PHACTR1: variants seen among roughly 807,000 people sequenced by gnomAD.
The protein encoded by PHACTR1 is RPEL repeat containing 1.
A neutral mutation model predicts 69.2 loss-of-function variants in PHACTR1; 16 were observed. The observed-to-expected ratio is 0.23, with a 90% CI of 0.16 to 0.35. The LOEUF (loss-of-function observed/expected upper bound fraction) is 0.35, where lower values mean the gene tolerates loss of function less well. Among genes scored for constraint, PHACTR1 ranks in the 10% least tolerant of loss-of-function variants. PHACTR1 has a pLI of 1.00. For missense variants in PHACTR1, 510 were observed against 734.7 expected, an observed-to-expected ratio of 0.69 and a Z score of 3.54; for synonymous variants, 312 against 284.5, an observed-to-expected ratio of 1.10 and a Z score of -0.97.
At chr6:13,106,175 T>G (rs184615187) in intron 5 of PHACTR1, among the ~76,000 whole-genome samples, 38 of 152,360 alleles carry the variant, frequency 2.5e-4, no homozygotes, top group Non-Finnish European at 4.6e-4. Flanking sequence ...AAAGTTCTTT[T>G]CTTTTCTCAT....
chr6:13,024,600 G>A (rs749697936), intron 4 of PHACTR1, among the ~76,000 whole-genome samples: 8 of 152,164 alleles, frequency 5.3e-5, no homozygotes, highest in Non-Finnish European at 1.2e-4. Context: ...AAATGATACA[G>A]TGAACCTTTT....
At chr6:13,126,954 G>A (rs1819630563) in intron 5 of PHACTR1, among the ~76,000 whole-genome samples, 1 of 152,136 alleles carries the variant, frequency 6.6e-6, no homozygotes, top group Non-Finnish European at 1.5e-5. Context: ...ATCAACAGGA[G>A]AAAAGTATAC....
chr6:13,148,871 G>A (rs922860158), intron 5 of PHACTR1, among the ~76,000 whole-genome samples: 4 of 152,186 alleles, frequency 2.6e-5, no homozygotes, highest in African/African-American at 9.7e-5. Flanking sequence ...TGCACATGAG[G>A]GCTGGCCCAG....
intron 4 of PHACTR1, among the ~76,000 whole-genome samples, chr6:12,922,753 T>C (rs772634628): frequency 6.6e-6 from 1 of 152,198 alleles, no homozygotes; most frequent in Non-Finnish European, 1.5e-5. Flanking sequence ...AAGGACTTAC[T>C]AGTTGCTTAC....
At chr6:12,901,302 T>C (rs534456867) in intron 4 of PHACTR1, among the ~76,000 whole-genome samples, 22 of 152,214 alleles carry the variant, frequency 1.4e-4, no homozygotes, top group African/African-American at 5.1e-4. Context: ...TTGGCCTTCA[T>C]TGTAAGTGAA....
At chr6:13,059,220 G>A (rs1216602294) in intron 5 of PHACTR1, among the ~76,000 whole-genome samples, 2 of 152,020 alleles carry the variant, frequency 1.3e-5, no homozygotes, top group African/African-American at 2.4e-5. Flanking sequence ...AACATACCGG[G>A]TACAGATGGA....
intron 4 of PHACTR1, among the ~76,000 whole-genome samples, chr6:13,028,234 G>A (rs936321552): frequency 6.6e-6 from 1 of 152,156 alleles, no homozygotes; most frequent in African/African-American, 2.4e-5. Flanking sequence ...AGAAAGTACT[G>A]TATTGACTGA....
intron 4 of PHACTR1, among the ~76,000 whole-genome samples, chr6:13,043,502 CA>C (rs1199757465): frequency 6.6e-6 from 1 of 152,106 alleles, no homozygotes; most frequent in African/African-American, 2.4e-5. Flanking sequence ...CAAGGGTTAA[CA>C]AGCTATGGCC....
At chr6:13,227,149 G>T (rs1385586107) in intron 8 of PHACTR1, among the ~76,000 whole-genome samples, 1 of 152,164 alleles carries the variant, frequency 6.6e-6, no homozygotes, top group African/African-American at 2.4e-5. Context: ...AAAATATCCA[G>T]ACTGGCATTA....
chr6:13,198,787 A>C (rs2113831641), intron 7 of PHACTR1, among the ~76,000 whole-genome samples: 1 of 152,344 alleles, frequency 6.6e-6, no homozygotes, highest in Non-Finnish European at 1.5e-5. Flanking sequence ...AGATTGGAAA[A>C]CTGAACATCA....
At chr6:13,010,275 G>A (rs965196384) in intron 4 of PHACTR1, among the ~76,000 whole-genome samples, 1 of 151,948 alleles carries the variant, frequency 6.6e-6, no homozygotes, top group African/African-American at 2.4e-5. Flanking sequence ...TTACAGGTTC[G>A]CGCCACCACA....
rs1434222619 is a variant in PHACTR1, at chr6:13,190,139, T to A, written c.664+7453T>A. Among the ~76,000 whole-genome samples the A allele has an allele frequency of 2.0e-5, 3 of 148,292 alleles. No individual in the cohort carries two copies. In the East Asian group the frequency reaches 6.2e-4, roughly 31 times the overall value. On this transcript the variant is annotated intron_variant, in intron 7 of 14. Transcript: ENST00000332995. Reference sequence around the variant, plus strand: ...CCTGGGTTCAAGTGATTCTCCTGCCTCAGCCTCCCGAGTAGCTGGAATTAC... The same window carrying A: ...CCTGGGTTCAAGTGATTCTCCTGCCACAGCCTCCCGAGTAGCTGGAATTAC...
intron 3 of PHACTR1, among the ~76,000 whole-genome samples, chr6:12,729,998 T>C (rs1443351394): frequency 6.6e-6 from 1 of 152,086 alleles, no homozygotes; most frequent in African/African-American, 2.4e-5. Flanking sequence ...ATGACCAAGA[T>C]GAAGGTAGGA....
chr6:13,199,476 ATCC>A (rs1764914407), intron 7 of PHACTR1, among the ~76,000 whole-genome samples: 1 of 151,100 alleles, frequency 6.6e-6, no homozygotes, highest in Non-Finnish European at 1.5e-5. Context: ...TCCCTTTGTC[ATCC>A]TCACTATAAA....
At chr6:13,086,952 A>C (rs1389905711) in intron 5 of PHACTR1, among the ~76,000 whole-genome samples, 1 of 151,966 alleles carries the variant, frequency 6.6e-6, no homozygotes, top group African/African-American at 2.4e-5. Flanking sequence ...CATTTATTTT[A>C]GCCATTCTTA....
chr6:13,141,457 G>A (rs768698629), intron 5 of PHACTR1, among the ~76,000 whole-genome samples: 15 of 152,162 alleles, frequency 9.9e-5, no homozygotes, highest in East Asian at 3.9e-4. Context: ...TCCACTATGC[G>A]TGTGACATTT....
At chr6:12,779,677 C>T (rs1367987629) in intron 4 of PHACTR1, among the ~76,000 whole-genome samples, 1 of 152,162 alleles carries the variant, frequency 6.6e-6, no homozygotes. Context: ...TTCCTGACCC[C>T]TTCTTGATCA....
chr6:12,812,541 C>A (rs1462189405), intron 4 of PHACTR1, among the ~76,000 whole-genome samples: 1 of 152,188 alleles, frequency 6.6e-6, no homozygotes, highest in Non-Finnish European at 1.5e-5. Flanking sequence ...CCCAACAAGG[C>A]CTAGGATCCA....
chr6:13,039,111 G>A lies in PHACTR1; in HGVS notation c.251-14254G>A, dbSNP rs537807147. On this transcript the variant is annotated intron_variant, in intron 4 of 14. Transcript: ENST00000332995. ...ATCAAGATGTATTCACTAAATAGAA[G>A]AATGGATTTGGCAGGCGGCCAGTTT... 1.9e-4 allele frequency among the ~76,000 whole-genome samples: 29 copies of A among 152,302 alleles called. 1 individual carries two copies. In the South Asian group the frequency reaches 5.8e-3, roughly 30 times the overall value.
Sources: gnomAD v4.1 joint callset for allele counts (sites outside exome capture counted in the v4.1 genomes callset) on GRCh38, gnomAD v4.1.1 for gene constraint, MANE v1.5 for transcripts, NCBI Gene and HGNC (gene_info 2026-07-23, HGNC 2026-07-21) for gene names.